PTPRM: variants seen among roughly 807,000 people sequenced by gnomAD.
PTPRM encodes the protein protein tyrosine phosphatase receptor type M.
PTPRM carries 47 observed loss-of-function variants against 186.7 expected under a neutral mutation model. The observed-to-expected ratio is 0.25, with a 90% CI of 0.20 to 0.32. PTPRM has a LOEUF of 0.32. Among genes scored for constraint, PTPRM ranks in the 10% least tolerant of loss-of-function variants. The probability of loss-of-function intolerance (pLI) is 1.00; values close to 1 mark genes in which losing one functional copy is unlikely to be tolerated. For synonymous variants in PTPRM, 668 were observed against 674.9 expected, an observed-to-expected ratio of 0.99 and a Z score of 0.16; for missense variants, 1,494 against 1,865.0, an observed-to-expected ratio of 0.80 and a Z score of 3.66.
intron 5 of PTPRM, among the ~76,000 whole-genome samples, chr18:7,943,165 C>A (rs1179097466): frequency 6.6e-6 from 1 of 152,114 alleles, no homozygotes; most frequent in Non-Finnish European, 1.5e-5. Context: ...ACCCAGCTTT[C>A]CCCACTCCTT....
intron 4 of PTPRM, among the ~76,000 whole-genome samples, chr18:7,918,945 G>T (rs936606973): frequency 3.3e-5 from 5 of 151,950 alleles, no homozygotes; most frequent in Non-Finnish European, 7.4e-5. Flanking sequence ...TAAATCTTTG[G>T]GTCTATTTTG....
intron 2 of PTPRM, among the ~76,000 whole-genome samples, chr18:7,819,648 GA>G (rs1188111199): frequency 3.9e-5 from 6 of 152,202 alleles, no homozygotes; most frequent in African/African-American, 1.4e-4. Flanking sequence ...CTGGGATACA[GA>G]AAGCCCTCTG....
chr18:8,203,697 G>A (rs1403950268), intron 14 of PTPRM, among the ~76,000 whole-genome samples: 1 of 152,044 alleles, frequency 6.6e-6, no homozygotes, highest in Non-Finnish European at 1.5e-5. Flanking sequence ...CAAACGGTTT[G>A]GCAAAATAAG....
intron 1 of PTPRM, among the ~76,000 whole-genome samples, chr18:7,649,586 G>A (rs1002483798): frequency 2.0e-5 from 3 of 152,020 alleles, no homozygotes; most frequent in Non-Finnish European, 2.9e-5. Flanking sequence ...TCCAACCCTC[G>A]TGAATGACTT....
At chr18:8,304,821 A>ATTTTT (rs34216473) in intron 20 of PTPRM, among the ~76,000 whole-genome samples, 3 of 131,294 alleles carry the variant, frequency 2.3e-5, no homozygotes, top group African/African-American at 8.1e-5. Flanking sequence ...TGTTGACTTT[A>ATTTTT]TTTTTTTTTT....
chr18:8,314,275 G>A (rs574138887), intron 20 of PTPRM, among the ~76,000 whole-genome samples: 92 of 152,152 alleles, frequency 6.0e-4, no homozygotes, highest in Non-Finnish European at 1.0e-3. Flanking sequence ...GATGGTGACA[G>A]CTTTGCTCTT....
intron 1 of PTPRM, among the ~76,000 whole-genome samples, chr18:7,630,669 T>G (rs2038170229): frequency 6.6e-6 from 1 of 152,206 alleles, no homozygotes. Flanking sequence ...GCTTTTAAAG[T>G]TTCATCTTTG....
chr18:8,003,545 A>C (rs1165874091), intron 7 of PTPRM, among the ~76,000 whole-genome samples: 1 of 152,256 alleles, frequency 6.6e-6, no homozygotes, highest in Admixed American at 6.5e-5. Flanking sequence ...CTACACTTGC[A>C]GAAGATGGTC....
intron 20 of PTPRM, among the ~76,000 whole-genome samples, chr18:8,309,868 G>A (rs28419575): frequency 0.3 from 46,047 of 152,022 alleles, 7,399 homozygotes; most frequent in Middle Eastern, 0.48. Flanking sequence ...AATAAGTCAT[G>A]TCTATAGATA....
chr18:7,791,777 T>G (rs926967480), intron 2 of PTPRM, among the ~76,000 whole-genome samples: 39 of 152,342 alleles, frequency 2.6e-4, no homozygotes, highest in Middle Eastern at 3.4e-3. Context: ...ATGATTACTT[T>G]TTTGTTCTAT....
chr18:7,582,358 T>C (rs945896392), intron 1 of PTPRM, among the ~76,000 whole-genome samples: 2 of 152,162 alleles, frequency 1.3e-5, no homozygotes, highest in Non-Finnish European at 2.9e-5. Context: ...GCTGGGACAG[T>C]TGGACTCTCG....
chr18:7,751,784 G>C (rs1441312798), intron 1 of PTPRM, among the ~76,000 whole-genome samples: 1 of 152,186 alleles, frequency 6.6e-6, no homozygotes, highest in Non-Finnish European at 1.5e-5. Context: ...TACTGCAAAA[G>C]CCTTCAACCT....
chr18:7,581,687 G>A (rs749123402), intron 1 of PTPRM, among the ~76,000 whole-genome samples: 1 of 143,468 alleles, frequency 7.0e-6, no homozygotes, highest in African/African-American at 2.6e-5. Context: ...ACAAGGTCTT[G>A]CTCTGTCACC....
intron 2 of PTPRM, among the ~76,000 whole-genome samples, chr18:7,810,888 A>G (rs1470501017): frequency 6.6e-6 from 1 of 152,202 alleles, no homozygotes; most frequent in Non-Finnish European, 1.5e-5. Context: ...CTGCTAGGTC[A>G]TAGGCAGGAT....
chr18:7,977,061 G>A (rs933797361), intron 7 of PTPRM, among the ~76,000 whole-genome samples: 4 of 151,862 alleles, frequency 2.6e-5, no homozygotes, highest in African/African-American at 9.7e-5. Context: ...CAGTTATAAT[G>A]AAATAAATTA....
At chr18:7,852,091 A>T (rs2046888109) in intron 2 of PTPRM, among the ~76,000 whole-genome samples, 1 of 152,210 alleles carries the variant, frequency 6.6e-6, no homozygotes, top group South Asian at 2.1e-4. Context: ...AATCTAGAAG[A>T]GAGCAGTAAA....
At chr18:8,378,717 A>G (rs1484498841) in intron 27 of PTPRM, among the ~76,000 whole-genome samples, 1 of 152,198 alleles carries the variant, frequency 6.6e-6, no homozygotes, top group African/African-American at 2.4e-5. Context: ...CTAGTCCCCA[A>G]CACCATGGCT....
At chr18:7,795,470 GAAA>G (rs35135572) in intron 2 of PTPRM, among the ~76,000 whole-genome samples, 2 of 129,524 alleles carry the variant, frequency 1.5e-5, no homozygotes, top group South Asian at 2.5e-4. Context: ...GCTTGTTCTG[GAAA>G]AAAAAAAAAA....
chr18:7,611,045 C>T (rs2037660203), intron 1 of PTPRM, among the ~76,000 whole-genome samples: 2 of 151,586 alleles, frequency 1.3e-5, no homozygotes, highest in Non-Finnish European at 2.9e-5. Context: ...AATGTATGTG[C>T]CTGTGTATTA....
Sources: allele counts gnomAD v4.1 joint callset (sites outside exome capture counted in the v4.1 genomes callset), GRCh38; gene constraint gnomAD v4.1.1; transcripts MANE v1.5; gene names NCBI Gene and HGNC (gene_info 2026-07-23, HGNC 2026-07-21).